Variants in MTMR8 observed in about 807,000 individuals in gnomAD.
MTMR8 encodes the protein myotubularin related protein 8, also known as phosphatidylinositol-3,5-bisphosphate 3-phosphatase MTMR8.
In MTMR8, 65 loss-of-function variants were observed where a neutral mutation model predicts 39.3. The observed-to-expected ratio is 1.65, with a 90% CI of 1.35 to 2.03. The LOEUF is 2.03. Ranked by LOEUF, MTMR8 falls within the 30% of genes most tolerant of loss-of-function variation. The pLI is 0.00. For missense variants in MTMR8, 777 were observed against 538.9 expected (o/e 1.44, Z -4.37); for synonymous variants, 245 against 185.2 (o/e 1.32, Z -2.62).
At chrX:64,367,757 C>A (rs1484741700) in intron 1 of MTMR8, among the ~76,000 whole-genome samples, 1 of 111,307 alleles carries the variant, frequency 9.0e-6, no homozygotes, top group Non-Finnish European at 1.9e-5. Flanking sequence ...AAGTTCTGGC[C>A]AGGGCAATCA....
In MTMR8 at chrX:64,278,460, G is replaced by GTTTTTTTTT. The variant is rs56132040; in HGVS notation, c.1482-7396_1482-7388dup. Among the ~76,000 whole-genome samples, 5 of 24,691 alleles carry GTTTTTTTTT rather than the reference G, an allele frequency of 2.0e-4. 1 individual carries two copies. Among genetic ancestry groups the GTTTTTTTTT allele is most frequent in the Non-Finnish European group, 3.3e-4 (4 of 12,271 alleles). 21.4% of individuals were successfully genotyped at this position (24,691 alleles called of 115,157 possible). ...GATGTTGATGCTATTTATTTTGCTG[G>GTTTTTTTTT]TTTTTTTTTTTTTTTTTTTTTTTTT... is the stretch of plus-strand genomic sequence containing the variant. On this transcript the variant is annotated intron_variant, in intron 12 of 13. Coordinates refer to ENST00000374852, the MANE Select transcript of MTMR8 (RefSeq NM_017677.4).
At chrX:64,304,991 TATAC>T (rs1278496806) in intron 12 of MTMR8, 1 of 101,977 alleles carries the variant, frequency 9.8e-6, no homozygotes, top group African/African-American at 6.4e-5. Context: ...TATATACATA[TATAC>T]GTATGTATGT....
At chrX:64,275,648 C>G (rs6624677) in intron 12 of MTMR8, among the ~76,000 whole-genome samples, 523 of 40,656 alleles carry the variant, frequency 0.013, 9 homozygotes, top group African/African-American at 0.034. Flanking sequence ...GAGTCTCTCT[C>G]AAAAAAAAAA....
At position 64,295,381 on chromosome X, in the gene MTMR8, TA is replaced by T. The variant is rs775086916; in HGVS notation, c.1482-24309del. 4.5e-5 allele frequency among the ~76,000 whole-genome samples: 5 copies of T among 111,346 alleles called. No homozygotes were observed. The East Asian group carries it at 8.4e-4, about 19-fold the overall frequency. On this transcript the variant is annotated intron_variant, in intron 12 of 13. Coordinates refer to ENST00000374852, the MANE Select transcript of MTMR8 (RefSeq NM_017677.4). ...ACTGTAAAATTCTTAGAAGAGAACA[TA>T]GGGGGAAATCTTCATGACATGGAAT...
chrX:64,284,823 A>G (rs746022136), intron 12 of MTMR8, among the ~76,000 whole-genome samples: 1 of 112,218 alleles, frequency 8.9e-6, no homozygotes, highest in Non-Finnish European at 1.9e-5. Context: ...TCCTGAAGGA[A>G]GCACTAAACA....
intron 1 of MTMR8, among the ~76,000 whole-genome samples, chrX:64,369,315 G>T (rs185607392): frequency 1.1e-4 from 12 of 111,739 alleles, no homozygotes; most frequent in African/African-American, 2.6e-4. Context: ...ACATGCACAT[G>T]TGTGTTTATT....
intron 1 of MTMR8, among the ~76,000 whole-genome samples, chrX:64,363,537 T>C (rs921847129): frequency 8.9e-6 from 1 of 112,366 alleles, no homozygotes; most frequent in African/African-American, 3.2e-5. Flanking sequence ...CAGAGGCAGA[T>C]GCCTGTGTTA....
intron 12 of MTMR8, among the ~76,000 whole-genome samples, chrX:64,290,045 AG>A (rs765980971): frequency 9.0e-6 from 1 of 111,062 alleles, no homozygotes; most frequent in East Asian, 2.8e-4. Context: ...TTTAATAGGT[AG>A]GGTTTCAGAT....
chrX:64,355,832 C>T (rs1923608887), intron 3 of MTMR8, among the ~76,000 whole-genome samples: 1 of 111,308 alleles, frequency 9.0e-6, no homozygotes, highest in Admixed American at 9.6e-5. Flanking sequence ...AACAAATTTT[C>T]TTCCAAAGCA....
Position 64,331,719 on chromosome X carries a change from G to T in MTMR8, c.1190C>A (p.Pro397His). The change falls in exon 11 of 14, where the codon CCT (proline) becomes CAT (histidine). Residue 397 changes from proline to histidine, a missense_variant. Pro to His is a moderately conservative substitution (Grantham distance 77). Transcript: ENST00000374852. The stretch of plus-strand genomic sequence containing the variant: ...ACAGTCTAGGAACTGGGTGAAGATA[G>T]GGGACACTTCTTTAGAGTCCCCATC... ...HLDGDSKEVS[P>H]IFTQFLDCIW... 1.7e-6 allele frequency: 2 copies of T among 1,210,524 alleles called. No individual in the cohort carries two copies. The highest frequency in any genetic ancestry group is 2.2e-5 in the Admixed American group (1 of 45,939).
chrX:64,376,721 T>A (rs1377951331), intron 1 of MTMR8, among the ~76,000 whole-genome samples: 1 of 112,654 alleles, frequency 8.9e-6, no homozygotes, highest in Non-Finnish European at 1.9e-5. Context: ...AAACCCATTT[T>A]CAGGGGAGGA....
intron 1 of MTMR8, among the ~76,000 whole-genome samples, chrX:64,375,187 C>T (rs1295057502): frequency 9.1e-6 from 1 of 109,861 alleles, no homozygotes; most frequent in East Asian, 2.9e-4. Flanking sequence ...ACAGCAAAAC[C>T]CCATCTCTAC....
At chrX:64,366,623 G>A (rs1477679702) in intron 1 of MTMR8, among the ~76,000 whole-genome samples, 3 of 111,945 alleles carry the variant, frequency 2.7e-5, no homozygotes, top group African/African-American at 6.5e-5. Context: ...AGAGGGAAAT[G>A]TACAGCACTA....
In MTMR8 at chrX:64,308,154, T is replaced by C. The variant is rs533755887; in HGVS notation, c.1481+20618A>G. Among the ~76,000 whole-genome samples, 249 of 109,793 alleles carry C rather than the reference T, an allele frequency of 2.3e-3. 1 individual carries two copies. Among genetic ancestry groups the C allele is most frequent in the Middle Eastern group, 4.7e-3 (1 of 212 alleles). On this transcript the variant is annotated intron_variant, in intron 12 of 13. Coordinates refer to ENST00000374852, the MANE Select transcript of MTMR8 (RefSeq NM_017677.4). ...TGCCCTAAAACTTAAAGTATAATAA[T>C]AATAATAAAAATAAAAAGAGAATTA...
intron 1 of MTMR8, among the ~76,000 whole-genome samples, chrX:64,361,936 A>T (rs1468272970): frequency 9.0e-6 from 1 of 111,234 alleles, no homozygotes; most frequent in South Asian, 3.7e-4. Context: ...GAAAGAAAAG[A>T]ATCAACCAAA....
intron 8 of MTMR8, among the ~76,000 whole-genome samples, chrX:64,341,238 G>A (rs1023555242): frequency 9.0e-6 from 1 of 111,634 alleles, no homozygotes; most frequent in African/African-American, 3.3e-5. Context: ...CAGCACTTTG[G>A]GAGGCCAAGG....
chrX:64,388,603 C>T (rs993322867), intron 1 of MTMR8, among the ~76,000 whole-genome samples: 2 of 112,471 alleles, frequency 1.8e-5, no homozygotes, highest in African/African-American at 6.5e-5. Flanking sequence ...GCAGTCCCCA[C>T]ATCTATCATT....
intron 1 of MTMR8, among the ~76,000 whole-genome samples, chrX:64,385,905 G>C (rs1456451006): frequency 2.7e-5 from 3 of 111,250 alleles, no homozygotes; most frequent in African/African-American, 9.8e-5. Context: ...GTTTTGGACA[G>C]AGCTCCTGCA....
intron 1 of MTMR8, among the ~76,000 whole-genome samples, chrX:64,377,093 C>A (rs1924292513): frequency 1.8e-5 from 2 of 112,560 alleles, no homozygotes; most frequent in South Asian, 7.4e-4. Flanking sequence ...GAGCCTCCAC[C>A]TAGATTTCAG....
Sources: gnomAD v4.1 joint callset for allele counts (sites outside exome capture counted in the v4.1 genomes callset) on GRCh38, gnomAD v4.1.1 for gene constraint, MANE v1.5 for transcripts, NCBI Gene and HGNC (gene_info 2026-07-23, HGNC 2026-07-21) for gene names.